APBB2: variants seen among roughly 807,000 people sequenced by gnomAD.
APBB2 encodes the protein amyloid beta precursor protein binding family B member 2, also known as Fe65-like 1.
A neutral mutation model predicts 82.5 loss-of-function variants in APBB2; 38 were observed. The ratio of observed to expected loss-of-function variants is 0.46; its 90% CI spans 0.36 to 0.60. APBB2 has a LOEUF of 0.60. Ranked by LOEUF, APBB2 falls within the 20% of genes least tolerant of loss-of-function variation. The pLI is 0.00. For missense variants in APBB2, 772 were observed against 972.3 expected, an observed-to-expected ratio of 0.79 and a Z score of 2.74; for synonymous variants, 341 against 368.2, an observed-to-expected ratio of 0.93 and a Z score of 0.85.
intron 1 of APBB2, among the ~76,000 whole-genome samples, chr4:41,172,323 T>A (rs1170429155): frequency 6.7e-6 from 1 of 149,656 alleles, no homozygotes; most frequent in Non-Finnish European, 1.5e-5. Context: ...CCCACCCCCA[T>A]CCGCCAGCCC....
At chr4:40,909,757 T>C (rs1202917907) in intron 10 of APBB2, among the ~76,000 whole-genome samples, 1 of 152,168 alleles carries the variant, frequency 6.6e-6, no homozygotes, top group Non-Finnish European at 1.5e-5. Flanking sequence ...GCAGTGACTA[T>C]TTATCGAGGG....
At chr4:41,209,172 A>G (rs1306023629) in intron 1 of APBB2, among the ~76,000 whole-genome samples, 2 of 152,132 alleles carry the variant, frequency 1.3e-5, no homozygotes. Flanking sequence ...GAGGAACTAG[A>G]GTCACTCTCC....
chr4:40,819,048 C>T (rs1406580768), intron 17 of APBB2, among the ~76,000 whole-genome samples: 7 of 151,768 alleles, frequency 4.6e-5, no homozygotes, highest in South Asian at 4.1e-4. Context: ...GGTGGGGGGG[C>T]GGCGGTCAGA....
At position 40,810,562 on chromosome 4, in the gene APBB2, A is replaced by C. The variant is rs2154290132; in HGVS notation, c.*5530T>G. On this transcript the variant is annotated 3_prime_UTR_variant, in exon 18 of 18. Transcript: ENST00000508593. The stretch of plus-strand genomic sequence containing the variant: ...CACTGCACTCCAGCCTGGGAAGCAG[A>C]GTGAGACCTTGCCTCAAAAAAAAAA... 1 of 127,296 alleles carries C rather than the reference A, an allele frequency of 7.9e-6. No individual in the cohort carries two copies. The highest frequency in any genetic ancestry group is 3.0e-5 in the African/African-American group (1 of 32,876). The allele number at this position is 127,296 out of a possible 1,614,324, so 7.9% of individuals were successfully genotyped here.
intron 12 of APBB2, among the ~76,000 whole-genome samples, chr4:40,845,701 A>G (rs998002247): frequency 6.6e-6 from 1 of 150,720 alleles, no homozygotes; most frequent in Admixed American, 6.6e-5. Context: ...CCTACTTCTC[A>G]TGCTGCGCAC....
intron 2 of APBB2, among the ~76,000 whole-genome samples, chr4:41,124,947 G>A (rs1753953021): frequency 6.6e-6 from 1 of 152,156 alleles, no homozygotes; most frequent in African/African-American, 2.4e-5. Flanking sequence ...TTTGGGATAG[G>A]GAGAAAAGGG....
At position 41,156,708 on chromosome 4, in the gene APBB2, G is replaced by A. The variant is rs182761569; in HGVS notation, c.-416-13566C>T. ...AGAAATGGGTTCAAATCCTGAATAC[G>A]TTCCTTATCTGTGTGATCTTAAGAC... On this transcript the variant is annotated intron_variant, in intron 1 of 17. Transcript: ENST00000508593. 2.1e-4 allele frequency among the ~76,000 whole-genome samples: 32 copies of A among 152,202 alleles called. No homozygotes were observed. In the East Asian group the frequency reaches 5.6e-3, roughly 27 times the overall value.
chr4:40,986,108 T>A (rs77727837), intron 6 of APBB2, among the ~76,000 whole-genome samples: 5,187 of 152,314 alleles, frequency 0.034, 129 homozygotes, highest in Middle Eastern at 0.071. Flanking sequence ...AAACTTGAAT[T>A]TGAGACAATC....
intron 3 of APBB2, among the ~76,000 whole-genome samples, chr4:41,066,378 A>G (rs1236696913): frequency 6.6e-6 from 1 of 152,226 alleles, no homozygotes; most frequent in Non-Finnish European, 1.5e-5. Flanking sequence ...TAAAAAACAT[A>G]TGCAGAACAC....
chr4:40,907,363 ATATATATATATATATATTTTT>A (rs1270102058), intron 10 of APBB2, among the ~76,000 whole-genome samples: 2,871 of 91,162 alleles, frequency 0.031, 114 homozygotes, highest in African/African-American at 0.13. Context: ...ATATATATAT[ATATATATATATATATATTTTT>A]TTTTTTTTTT....
chr4:40,837,401 G>A (rs1045665454), intron 12 of APBB2, among the ~76,000 whole-genome samples: 1 of 152,190 alleles, frequency 6.6e-6, no homozygotes, highest in Non-Finnish European at 1.5e-5. Flanking sequence ...GACAGGCTGG[G>A]AGCCATACTC....
intron 12 of APBB2, among the ~76,000 whole-genome samples, chr4:40,865,287 A>G (rs535940475): frequency 6.6e-6 from 1 of 152,288 alleles, no homozygotes; most frequent in Admixed American, 6.5e-5. Context: ...CCAAGGAAAA[A>G]GCTGGCTGTC....
At chr4:41,041,577 T>G (rs1341514284) in intron 4 of APBB2, among the ~76,000 whole-genome samples, 1 of 152,230 alleles carries the variant, frequency 6.6e-6, no homozygotes, top group Non-Finnish European at 1.5e-5. Flanking sequence ...CATTGAGAGA[T>G]CCTTAATTTA....
At chr4:40,843,942 T>C (rs1756734243) in intron 12 of APBB2, among the ~76,000 whole-genome samples, 1 of 152,218 alleles carries the variant, frequency 6.6e-6, no homozygotes, top group African/African-American at 2.4e-5. Context: ...TCCACCCTTC[T>C]ACACAGTCCT....
At chr4:41,159,961 G>GAGAAGGAGAAGAAGAAGAAGA (rs1764562022) in intron 1 of APBB2, among the ~76,000 whole-genome samples, 8 of 31,980 alleles carry the variant, frequency 2.5e-4, no homozygotes, top group African/African-American at 7.3e-4. Flanking sequence ...GAAGGAGAAG[G>GAGAAGGAGAAGAAGAAGAAGA]AGAAGAAGAA....
chr4:40,986,212 A>T (rs1197726362), intron 6 of APBB2, among the ~76,000 whole-genome samples: 1 of 152,218 alleles, frequency 6.6e-6, no homozygotes, highest in East Asian at 1.9e-4. Flanking sequence ...AAAAAATTCC[A>T]AAACAATCCA....
intron 6 of APBB2, among the ~76,000 whole-genome samples, chr4:40,974,844 A>T (rs1446933921): frequency 2.0e-5 from 3 of 152,174 alleles, no homozygotes; most frequent in African/African-American, 7.2e-5. Flanking sequence ...TTACATTACA[A>T]ATGCCGAGGG....
At chr4:40,845,600 A>AAC (rs1180926779) in intron 12 of APBB2, among the ~76,000 whole-genome samples, 1 of 148,114 alleles carries the variant, frequency 6.8e-6, no homozygotes, top group Non-Finnish European at 1.5e-5. Flanking sequence ...AAAAAAAAAA[A>AAC]AAAAAAAAAA....
At chr4:40,894,759 T>C (rs1773177228) in intron 10 of APBB2, among the ~76,000 whole-genome samples, 1 of 152,258 alleles carries the variant, frequency 6.6e-6, no homozygotes, top group Non-Finnish European at 1.5e-5. Flanking sequence ...TTCTATATGC[T>C]GTTTATTATA....
Sources: gnomAD v4.1 joint callset for allele counts (sites outside exome capture counted in the v4.1 genomes callset) on GRCh38, gnomAD v4.1.1 for gene constraint, MANE v1.5 for transcripts, NCBI Gene and HGNC (gene_info 2026-07-23, HGNC 2026-07-21) for gene names.